DPP10: variants seen among roughly 807,000 people sequenced by gnomAD.
DPP10 encodes inactive dipeptidyl peptidase 10.
Under a neutral mutation model 120.9 loss-of-function variants are expected in DPP10, and 33 were observed. The observed-to-expected ratio is 0.27, with a 90% CI of 0.21 to 0.37. The LOEUF (loss-of-function observed/expected upper bound fraction) is 0.37, where lower values mean the gene tolerates loss of function less well. Ranked by LOEUF, DPP10 falls within the 10% of genes least tolerant of loss-of-function variation. DPP10 has a pLI of 1.00. For missense variants in DPP10, 816 were observed against 942.8 expected (o/e 0.87, Z 1.76); for synonymous variants, 337 against 326.1 (o/e 1.03, Z -0.36).
At chr2:115,545,427 C>G (rs1254732187) in intron 5 of DPP10, among the ~76,000 whole-genome samples, 1 of 151,976 alleles carries the variant, frequency 6.6e-6, no homozygotes, top group African/African-American at 2.4e-5. Flanking sequence ...GAGCAAGGAG[C>G]AAAGAAAAGC....
chr2:114,571,554 C>T (rs936158211), intron 1 of DPP10, among the ~76,000 whole-genome samples: 18 of 152,104 alleles, frequency 1.2e-4, no homozygotes, highest in African/African-American at 4.3e-4. Context: ...CCCTTTCTCT[C>T]ATGATATGCC....
intron 7 of DPP10, among the ~76,000 whole-genome samples, chr2:115,711,155 T>C (rs1156276950): frequency 6.6e-6 from 1 of 152,150 alleles, no homozygotes. Flanking sequence ...TTTCTTTTTC[T>C]GTGGGGTGAG....
chr2:115,232,627 C>T (rs908309010), intron 1 of DPP10, among the ~76,000 whole-genome samples: 4 of 152,196 alleles, frequency 2.6e-5, no homozygotes, highest in Non-Finnish European at 5.9e-5. Flanking sequence ...TATATGAGTG[C>T]TCGTATGCAT....
intron 1 of DPP10, among the ~76,000 whole-genome samples, chr2:114,831,020 AGATTTTTTTTTTTT>A (rs1687056167): frequency 8.7e-6 from 1 of 115,580 alleles, no homozygotes; most frequent in Non-Finnish European, 1.7e-5. Context: ...ATCCATGCAA[AGATTTTTTTTTTTT>A]TTTTTTTTTT....
chr2:115,491,030 A>T lies in DPP10; in HGVS notation c.272-8480A>T, dbSNP rs561991581. ...CTATTCCAGAGGCTGAGGCAGCAGGATCACTTGAACCTGGGAGGTGGAGGT... is the reference window on the plus strand; with the variant it reads ...CTATTCCAGAGGCTGAGGCAGCAGGTTCACTTGAACCTGGGAGGTGGAGGT... On this transcript the variant is annotated intron_variant, in intron 3 of 25. Coordinates refer to ENST00000410059, the MANE Select transcript of DPP10 (RefSeq NM_020868.6). 8.5e-5 allele frequency among the ~76,000 whole-genome samples: 13 copies of T among 152,248 alleles called. 1 individual carries two copies. The highest frequency in any genetic ancestry group is 3.1e-4 in the African/African-American group (13 of 41,558).
At chr2:115,274,072 A>G (rs78966380) in intron 1 of DPP10, among the ~76,000 whole-genome samples, 2,531 of 152,030 alleles carry the variant, frequency 0.017, 62 homozygotes, top group African/African-American at 0.055. Flanking sequence ...TGTAGAGCGC[A>G]TCATGCAGAA....
chr2:115,720,254 T>G (rs114847494), intron 7 of DPP10, among the ~76,000 whole-genome samples: 2,998 of 152,278 alleles, frequency 0.02, 88 homozygotes, highest in African/African-American at 0.067. Flanking sequence ...ATATTTTGTG[T>G]GTGTGTTTGC....
chr2:115,271,218 T>C (rs750943648), intron 1 of DPP10, among the ~76,000 whole-genome samples: 7 of 152,232 alleles, frequency 4.6e-5, no homozygotes, highest in Non-Finnish European at 1.0e-4. Context: ...GTGGACAACA[T>C]TAAAATAAAT....
chr2:115,474,728 GAAAA>G (rs11314883), intron 3 of DPP10, among the ~76,000 whole-genome samples: 2 of 139,302 alleles, frequency 1.4e-5, no homozygotes, highest in African/African-American at 5.3e-5. Flanking sequence ...CCATGTGATA[GAAAA>G]AAAAAAAAAA....
intron 1 of DPP10, among the ~76,000 whole-genome samples, chr2:114,935,305 T>A (rs1158987406): frequency 1.3e-5 from 2 of 152,078 alleles, no homozygotes; most frequent in Non-Finnish European, 2.9e-5. Flanking sequence ...ATCCATTCTA[T>A]AAGGATCATT....
chr2:115,050,709 A>T (rs974391325), intron 1 of DPP10, among the ~76,000 whole-genome samples: 9 of 152,178 alleles, frequency 5.9e-5, no homozygotes, highest in Admixed American at 3.3e-4. Context: ...AAACCGAAAA[A>T]GGCATTAATC....
intron 5 of DPP10, among the ~76,000 whole-genome samples, chr2:115,564,679 A>T (rs2080891167): frequency 6.6e-6 from 1 of 152,174 alleles, no homozygotes; most frequent in Admixed American, 6.5e-5. Flanking sequence ...TAGTGTTTTC[A>T]ATTGTTTTAC....
At chr2:114,834,223 AT>A in intron 1 of DPP10, among the ~76,000 whole-genome samples, 1 of 151,850 alleles carries the variant, frequency 6.6e-6, no homozygotes, top group African/African-American at 2.4e-5. Flanking sequence ...CTATGTATAT[AT>A]ATAGGCCATA....
intron 1 of DPP10, among the ~76,000 whole-genome samples, chr2:114,695,300 G>A (rs1451714072): frequency 4.6e-5 from 7 of 152,010 alleles, no homozygotes; most frequent in Non-Finnish European, 7.4e-5. Context: ...AAGTTAAGTT[G>A]TAATAACCAC....
chr2:115,678,322 G>A (rs1575505264), intron 5 of DPP10, among the ~76,000 whole-genome samples: 2 of 152,220 alleles, frequency 1.3e-5, no homozygotes. Context: ...GGGCCCCCCT[G>A]CTGTGTGCAG....
chr2:115,263,683 A>G (rs2059345062), intron 1 of DPP10, among the ~76,000 whole-genome samples: 1 of 152,116 alleles, frequency 6.6e-6, no homozygotes, highest in Admixed American at 6.6e-5. Context: ...TAAACATTCT[A>G]CTCTTGTATA....
At chr2:114,961,723 G>A (rs950729307) in intron 1 of DPP10, among the ~76,000 whole-genome samples, 2 of 152,078 alleles carry the variant, frequency 1.3e-5, no homozygotes, top group African/African-American at 2.4e-5. Context: ...GGAGGCCGAG[G>A]TGGGCGGATC....
chr2:114,562,035 G>T (rs573664766), intron 1 of DPP10, among the ~76,000 whole-genome samples: 1 of 152,306 alleles, frequency 6.6e-6, no homozygotes, highest in South Asian at 2.1e-4. Flanking sequence ...CACTCCCTAG[G>T]TCTTGTTTTA....
intron 1 of DPP10, among the ~76,000 whole-genome samples, chr2:115,012,292 T>G (rs1354496513): frequency 1.3e-5 from 2 of 152,046 alleles, no homozygotes; most frequent in Non-Finnish European, 2.9e-5. Flanking sequence ...GAACCAGGTG[T>G]CCCTAGGGCA....
Sources: gnomAD v4.1 joint callset for allele counts (sites outside exome capture counted in the v4.1 genomes callset) on GRCh38, gnomAD v4.1.1 for gene constraint, MANE v1.5 for transcripts, NCBI Gene and HGNC (gene_info 2026-07-23, HGNC 2026-07-21) for gene names.